The following NCKAP5 variants were observed in gnomAD, a reference collection of about 807,000 sequenced individuals.
NCKAP5 encodes the protein nck-associated protein 5.
In NCKAP5, 92 loss-of-function variants were observed where a neutral mutation model predicts 167.0. The ratio of observed to expected loss-of-function variants is 0.55; its 90% CI spans 0.47 to 0.66. The LOEUF (loss-of-function observed/expected upper bound fraction) is 0.66. Ranked by LOEUF, NCKAP5 falls within the 30% of genes least tolerant of loss-of-function variation. The pLI is 0.00. For missense variants in NCKAP5, 2,378 were observed against 2,315.0 expected (o/e 1.03, Z -0.56); for synonymous variants, 891 against 877.4 (o/e 1.02, Z -0.27).
chr2:132,983,694 C>T (rs936360864), intron 7 of NCKAP5, among the ~76,000 whole-genome samples: 1 of 152,146 alleles, frequency 6.6e-6, no homozygotes, highest in African/African-American at 2.4e-5. Context: ...GGCTGACAGA[C>T]TGACATGGGA....
intron 7 of NCKAP5, among the ~76,000 whole-genome samples, chr2:132,967,628 C>T (rs915122166): frequency 6.6e-6 from 1 of 152,098 alleles, no homozygotes; most frequent in Admixed American, 6.5e-5. Context: ...GACAAAAATT[C>T]AGATACAATT....
intron 3 of NCKAP5, among the ~76,000 whole-genome samples, chr2:133,400,446 C>T (rs1688026521): frequency 6.6e-6 from 1 of 152,116 alleles, no homozygotes; most frequent in African/African-American, 2.4e-5. Context: ...GATAAGTGTC[C>T]TTTTTAGAGG....
intron 8 of NCKAP5, among the ~76,000 whole-genome samples, chr2:132,943,360 C>T (rs937153619): frequency 5.3e-5 from 8 of 152,144 alleles, no homozygotes; most frequent in Admixed American, 1.3e-4. Context: ...TTTAACATAC[C>T]TTGTCAAAAG....
At chr2:132,974,547 T>C (rs1573604216) in intron 7 of NCKAP5, among the ~76,000 whole-genome samples, 2 of 152,196 alleles carry the variant, frequency 1.3e-5, no homozygotes. Context: ...ACCCGTTTAA[T>C]AGTAAGTGGC....
intron 8 of NCKAP5, among the ~76,000 whole-genome samples, chr2:132,949,753 C>A (rs72850168): frequency 0.031 from 4,783 of 152,270 alleles, 121 homozygotes; most frequent in Middle Eastern, 0.051. Flanking sequence ...CATTCTGATA[C>A]CTCATTGAAA....
chr2:133,627,788 C>G, the NCKAP5 span, among the ~76,000 whole-genome samples: 1 of 152,316 alleles, frequency 6.6e-6, no homozygotes, highest in South Asian at 2.1e-4. Flanking sequence ...GTGTAGCAGA[C>G]TTATGCTAAA....
the NCKAP5 span, among the ~76,000 whole-genome samples, chr2:133,597,239 G>A: frequency 6.6e-6 from 1 of 152,166 alleles, no homozygotes; most frequent in East Asian, 1.9e-4. Context: ...GCACCAGTGT[G>A]ACCTGGACAT....
At chr2:132,708,117 T>C (rs1688532036) in intron 19 of NCKAP5, among the ~76,000 whole-genome samples, 1 of 152,058 alleles carries the variant, frequency 6.6e-6, no homozygotes, top group South Asian at 2.1e-4. Flanking sequence ...GCTTCAGGTG[T>C]GACCCAGCAC....
chr2:133,521,982 T>C (rs1684517395), intron 2 of NCKAP5, among the ~76,000 whole-genome samples: 1 of 152,182 alleles, frequency 6.6e-6, no homozygotes, highest in Admixed American at 6.5e-5. Flanking sequence ...CTGTTGGATC[T>C]TACTGCCCCC....
At position 132,784,400 on chromosome 2, in the gene NCKAP5, G is replaced by A. The variant is rs569596694; in HGVS notation, c.2411C>T (p.Pro804Leu). ...IYQKQNLTKI[P>L]PRGKSSPQKS... ...CTGAGGTGAAGACTTGCCCCTGGGA[G>A]GTATTTTTGTCAGATTTTGCTTTTG... Residue 804 changes from proline to leucine, a missense_variant, in exon 14 of 20, where the codon CCT becomes CTT. Around this residue, in one of 3 missense-constraint regions of NCKAP5, gnomAD observed 1,049 missense variants for 1,023.4 expected, o/e 1.02. Transcript: ENST00000409261. The A allele has an allele frequency of 6.2e-6, 10 of 1,613,514 alleles. No homozygotes were observed. The South Asian group carries it at 7.7e-5, about 12-fold the overall frequency.
At chr2:132,945,150 C>G (rs578158230) in intron 8 of NCKAP5, among the ~76,000 whole-genome samples, 3 of 152,198 alleles carry the variant, frequency 2.0e-5, no homozygotes, top group South Asian at 2.1e-4. Context: ...GAAGGGAACT[C>G]TTGGATGACA....
At chr2:133,270,534 G>T (rs917324494) in intron 4 of NCKAP5, among the ~76,000 whole-genome samples, 7 of 152,164 alleles carry the variant, frequency 4.6e-5, no homozygotes, top group Non-Finnish European at 1.0e-4. Flanking sequence ...AGAACCTAAG[G>T]CCGATTCACG....
intron 4 of NCKAP5, among the ~76,000 whole-genome samples, chr2:133,247,991 A>G (rs914974517): frequency 6.6e-6 from 1 of 152,242 alleles, no homozygotes; most frequent in Non-Finnish European, 1.5e-5. Flanking sequence ...TAGTCACATT[A>G]CTGATGAAGT....
intron 18 of NCKAP5, among the ~76,000 whole-genome samples, chr2:132,726,056 G>T (rs532623880): frequency 4.6e-5 from 7 of 152,248 alleles, no homozygotes; most frequent in African/African-American, 1.7e-4. Flanking sequence ...ACGGTTACCT[G>T]GTCTGCATTT....
At chr2:133,138,221 T>C (rs770488487) in intron 5 of NCKAP5, among the ~76,000 whole-genome samples, 104 of 152,150 alleles carry the variant, frequency 6.8e-4, no homozygotes, top group Non-Finnish European at 1.0e-3. Flanking sequence ...ATTCGATTAT[T>C]CGAAGAGAAA....
intron 8 of NCKAP5, among the ~76,000 whole-genome samples, chr2:132,946,572 T>C (rs1184897384): frequency 6.6e-6 from 1 of 152,138 alleles, no homozygotes; most frequent in East Asian, 1.9e-4. Context: ...AAAAGTGAAC[T>C]CCACTTCATG....
At chr2:132,819,943 T>C (rs1445170120) in intron 11 of NCKAP5, among the ~76,000 whole-genome samples, 3 of 152,180 alleles carry the variant, frequency 2.0e-5, no homozygotes, top group African/African-American at 7.2e-5. Flanking sequence ...CTGCATTCTG[T>C]AAAATTCTCA....
chr2:132,890,274 C>T (rs762661068), intron 8 of NCKAP5, among the ~76,000 whole-genome samples: 5 of 152,172 alleles, frequency 3.3e-5, no homozygotes, highest in Non-Finnish European at 2.9e-5. Flanking sequence ...TGCCACTCTA[C>T]TTAAATAACA....
the NCKAP5 span, among the ~76,000 whole-genome samples, chr2:133,659,772 G>T: frequency 6.6e-6 from 1 of 151,964 alleles, no homozygotes; most frequent in Non-Finnish European, 1.5e-5. Context: ...TCTTTTAAGT[G>T]GTATGTGACT....
Sources: gnomAD v4.1 joint callset for allele counts (sites outside exome capture counted in the v4.1 genomes callset) on GRCh38, gnomAD v4.1.1 for gene constraint, gnomAD v4.1.1 regional missense constraint, MANE v1.5 for transcripts, NCBI Gene and HGNC (gene_info 2026-07-23, HGNC 2026-07-21) for gene names.